Variants in JAZF1 observed in about 807,000 individuals in gnomAD.
The protein encoded by JAZF1 is JAZF zinc finger 1, also known as juxtaposed with another zinc finger protein 1.
Under a neutral mutation model 26.4 loss-of-function variants are expected in JAZF1, and 8 were observed. The ratio of observed to expected loss-of-function variants is 0.30; its 90% CI spans 0.18 to 0.55. JAZF1 has a LOEUF of 0.55. Among genes scored for constraint, JAZF1 ranks in the 20% least tolerant of loss-of-function variants. The pLI is 0.94. For synonymous variants in JAZF1, 126 were observed against 122.3 expected (o/e 1.03, Z -0.20); for missense variants, 199 against 322.0 (o/e 0.62, Z 2.92).
intron 2 of JAZF1, among the ~76,000 whole-genome samples, chr7:27,991,291 T>G (rs1785897601): frequency 6.6e-6 from 1 of 152,230 alleles, no homozygotes; most frequent in Non-Finnish European, 1.5e-5. Context: ...CTAAGTTGAT[T>G]TCAGTTTCTC....
chr7:27,978,946 G>T (rs38505), intron 2 of JAZF1, among the ~76,000 whole-genome samples: 8,642 of 152,012 alleles, frequency 0.057, 357 homozygotes, highest in Non-Finnish European at 0.088. Flanking sequence ...GACAGTGTGA[G>T]AGTGAGTGCA....
At chr7:28,062,932 A>G (rs1268828360) in intron 1 of JAZF1, among the ~76,000 whole-genome samples, 1 of 152,088 alleles carries the variant, frequency 6.6e-6, no homozygotes, top group Non-Finnish European at 1.5e-5. Flanking sequence ...TACACCACTT[A>G]CTCTATCCAT....
chr7:28,118,220 A>C (rs1219982017), intron 1 of JAZF1: 1 of 152,242 alleles, frequency 6.6e-6, no homozygotes, highest in Non-Finnish European at 1.5e-5. Flanking sequence ...AGAGGAGCAC[A>C]AAAAGAATGT....
intron 3 of JAZF1, chr7:27,843,900 A>G (rs1782970218): frequency 6.6e-6 from 1 of 152,294 alleles, no homozygotes; most frequent in Non-Finnish European, 1.5e-5. Context: ...AGCACATGGT[A>G]AGAAAATAAA....
At chr7:27,994,444 A>C (rs1424271277) in intron 1 of JAZF1, among the ~76,000 whole-genome samples, 2 of 45,280 alleles carry the variant, frequency 4.4e-5, no homozygotes, top group African/African-American at 1.3e-4. Flanking sequence ...TCCATCACAA[A>C]AAAAAAAAAA....
At chr7:27,930,274 C>T (rs1320346468) in intron 2 of JAZF1, among the ~76,000 whole-genome samples, 2 of 152,200 alleles carry the variant, frequency 1.3e-5, no homozygotes, top group Non-Finnish European at 2.9e-5. Flanking sequence ...GGATTACAGG[C>T]ATGAGCCACC....
chr7:27,924,318 C>T (rs1320503983), intron 2 of JAZF1, among the ~76,000 whole-genome samples: 1 of 152,130 alleles, frequency 6.6e-6, no homozygotes, highest in Admixed American at 6.5e-5. Flanking sequence ...CCTCATGATC[C>T]ACCCGCCTCG....
intron 3 of JAZF1, among the ~76,000 whole-genome samples, chr7:27,856,054 C>T (rs756348804): frequency 1.5e-4 from 23 of 152,314 alleles, no homozygotes; most frequent in East Asian, 3.9e-4. Flanking sequence ...CAAGTGTGTC[C>T]GGAATTGGTG....
intron 2 of JAZF1, among the ~76,000 whole-genome samples, chr7:27,987,997 G>C (rs187167655): frequency 0.028 from 4,252 of 152,060 alleles, 194 homozygotes; most frequent in African/African-American, 0.098. Flanking sequence ...CAGCATGCTC[G>C]TTAAGAGTCA....
intron 2 of JAZF1, among the ~76,000 whole-genome samples, chr7:27,970,884 T>A (rs1764379690): frequency 6.6e-6 from 1 of 152,168 alleles, no homozygotes. Flanking sequence ...TGGGAAGCAG[T>A]CCACAGGCTT....
chr7:28,117,863 TG>T (rs1360602105), intron 1 of JAZF1, among the ~76,000 whole-genome samples: 2 of 152,180 alleles, frequency 1.3e-5, no homozygotes, highest in African/African-American at 4.8e-5. Context: ...AGTTTACAAC[TG>T]GGAGGTCGCT....
At chr7:27,907,511 C>A (rs1784283274) in intron 2 of JAZF1, among the ~76,000 whole-genome samples, 1 of 152,178 alleles carries the variant, frequency 6.6e-6, no homozygotes, top group African/African-American at 2.4e-5. Context: ...GATTGGACAT[C>A]TCCATTTCCA....
chr7:27,930,765 ATATT>A (rs1173212781), intron 2 of JAZF1, among the ~76,000 whole-genome samples: 3 of 152,130 alleles, frequency 2.0e-5, no homozygotes, highest in African/African-American at 4.8e-5. Flanking sequence ...TTAAGAAACT[ATATT>A]TATATCTTAC....
At chr7:27,881,809 T>A (rs1012169832) in intron 3 of JAZF1, among the ~76,000 whole-genome samples, 7 of 152,180 alleles carry the variant, frequency 4.6e-5, no homozygotes, top group Non-Finnish European at 1.0e-4. Context: ...TTTAAGACTC[T>A]AGGCAGCCAT....
intron 1 of JAZF1, among the ~76,000 whole-genome samples, chr7:28,090,440 T>C (rs1394828325): frequency 6.6e-6 from 1 of 152,256 alleles, no homozygotes; most frequent in African/African-American, 2.4e-5. Context: ...CTTTAAACAT[T>C]ATTAAATCAA....
At chr7:28,106,942 A>C (rs921855394) in intron 1 of JAZF1, among the ~76,000 whole-genome samples, 1 of 152,200 alleles carries the variant, frequency 6.6e-6, no homozygotes, top group African/African-American at 2.4e-5. Context: ...GGAATCTGAG[A>C]GTTAGTTACA....
chr7:28,153,328 A>G (rs1357328524), intron 1 of JAZF1, among the ~76,000 whole-genome samples: 3 of 152,220 alleles, frequency 2.0e-5, no homozygotes, highest in Non-Finnish European at 4.4e-5. Context: ...CTAAAAAAAA[A>G]AATTAGCAAC....
intron 4 of JAZF1, among the ~76,000 whole-genome samples, chr7:27,839,908 T>C (rs1048400273): frequency 6.6e-6 from 1 of 152,214 alleles, no homozygotes; most frequent in African/African-American, 2.4e-5. Flanking sequence ...GGTATGTTTC[T>C]GATTTTTATA....
intron 1 of JAZF1, among the ~76,000 whole-genome samples, chr7:28,124,256 C>T (rs371968204): frequency 1.6e-4 from 25 of 152,284 alleles, no homozygotes; most frequent in Non-Finnish European, 3.2e-4. Context: ...AGCGAGGGGG[C>T]GGCCATCTGC....
Sources: allele counts gnomAD v4.1 joint callset (sites outside exome capture counted in the v4.1 genomes callset), GRCh38; gene constraint gnomAD v4.1.1; transcripts MANE v1.5; gene names NCBI Gene and HGNC (gene_info 2026-07-23, HGNC 2026-07-21).